CCDC81: variants seen among roughly 807,000 people sequenced by gnomAD.
The protein encoded by CCDC81 is coiled-coil domain containing 81.
A neutral mutation model predicts 83.7 loss-of-function variants in CCDC81; 79 were observed. The ratio of observed to expected loss-of-function variants is 0.94; its 90% confidence interval spans 0.79 to 1.14. The LOEUF (loss-of-function observed/expected upper bound fraction) is 1.14, where lower values mean the gene tolerates loss of function less well. Ranked by LOEUF, CCDC81 falls within the 50% of genes most tolerant of loss-of-function variation. The probability of loss-of-function intolerance (pLI) is 0.00; values close to 1 mark genes in which losing one functional copy is unlikely to be tolerated. For synonymous variants in CCDC81, 252 were observed against 278.1 expected (o/e 0.91, Z 0.93); for missense variants, 791 against 778.1 (o/e 1.02, Z -0.20).
chr11:86,397,150 T>G (rs1262972125), intron 5 of CCDC81, among the ~76,000 whole-genome samples: 1 of 151,698 alleles, frequency 6.6e-6, no homozygotes, highest in Non-Finnish European at 1.5e-5. Flanking sequence ...GCTTTGCAAG[T>G]CCTTCACTTT....
intron 3 of CCDC81, among the ~76,000 whole-genome samples, chr11:86,390,192 G>A (rs7105671): frequency 0.68 from 104,024 of 152,140 alleles, 35,831 homozygotes; most frequent in East Asian, 0.79. Context: ...TATGACGCCC[G>A]GAGGACAGCA....
intron 10 of CCDC81, among the ~76,000 whole-genome samples, chr11:86,410,490 A>T (rs1041859483): frequency 1.6e-4 from 24 of 152,236 alleles, no homozygotes; most frequent in African/African-American, 5.8e-4. Flanking sequence ...AGATCTGGAA[A>T]GACTTTCTGA....
At chr11:86,408,025 AG>A (rs1209559825) in intron 8 of CCDC81, 101 bp from the exon 9 acceptor site, 1 of 1,117,966 alleles carries the variant, frequency 8.9e-7, no homozygotes, top group East Asian at 2.6e-5. Flanking sequence ...CATTAATAAT[AG>A]GTTTCTTGAT....
intron 5 of CCDC81, among the ~76,000 whole-genome samples, chr11:86,396,683 C>T (rs1050669735): frequency 6.6e-6 from 1 of 152,152 alleles, no homozygotes; most frequent in African/African-American, 2.4e-5. Flanking sequence ...TCATCTTGCA[C>T]ACGAAATGGC....
intron 8 of CCDC81, 106 bp downstream of exon 8, chr11:86,407,807 C>T (rs2011218385): frequency 1.3e-6 from 1 of 771,200 alleles, no homozygotes; most frequent in Admixed American, 2.4e-5. Context: ...GAGTATGGCT[C>T]AAGTACTCAA....
At chr11:86,415,347 C>G in intron 13 of CCDC81, 34 bp downstream of exon 13, 1 of 1,538,060 alleles carries the variant, frequency 6.5e-7, no homozygotes. Flanking sequence ...CCCTCCACTT[C>G]TCCTCACTTA....
Position 86,415,100 on chromosome 11 carries a change from A to G in CCDC81, c.1478A>G (p.Asn493Ser). The G allele has an allele frequency of 6.2e-7, 1 of 1,614,164 alleles. No individual in the cohort carries two copies. The highest frequency in any genetic ancestry group is 8.5e-7 in the Non-Finnish European group (1 of 1,180,002). Residue 493 changes from asparagine (N) to serine (S), a missense_variant, in exon 13 of 15, where the codon AAC (asparagine) becomes AGC (serine). Coordinates refer to ENST00000445632, the MANE Select transcript of CCDC81 (RefSeq NM_001156474.2). ...TGTGTATCTCTGTTTAAGATAAAGA[A>G]CAAACCCTCTCGGCTGCCCCCCTTT... ...YKRALDAQIKNKPSRLPPFEP... is the reference protein window; with the variant it reads ...YKRALDAQIKSKPSRLPPFEP...
chr11:86,388,616 A>T (rs1273020853), intron 3 of CCDC81, among the ~76,000 whole-genome samples: 1 of 152,228 alleles, frequency 6.6e-6, no homozygotes, highest in Non-Finnish European at 1.5e-5. Flanking sequence ...TTAGAAAAAC[A>T]AATGTCAACA....
intron 8 of CCDC81, 106 bp downstream of exon 8, chr11:86,407,807 C>A: frequency 7.8e-6 from 6 of 771,198 alleles, no homozygotes; most frequent in Non-Finnish European, 1.3e-5. Flanking sequence ...GAGTATGGCT[C>A]AAGTACTCAA....
At chr11:86,387,358 A>C (rs1464537320) in intron 2 of CCDC81, among the ~76,000 whole-genome samples, 158 bp from the exon 3 acceptor site, 1 of 152,244 alleles carries the variant, frequency 6.6e-6, no homozygotes, top group African/African-American at 2.4e-5. Flanking sequence ...TTGAAAACTT[A>C]GAATTATAAA....
intron 6 of CCDC81, among the ~76,000 whole-genome samples, chr11:86,399,324 G>C (rs888505081): frequency 6.6e-6 from 1 of 152,032 alleles, no homozygotes; most frequent in African/African-American, 2.4e-5. Flanking sequence ...ATCTATTCAT[G>C]TTCTTCTTTT....
intron 2 of CCDC81, 68 bp downstream of exon 2, chr11:86,386,180 G>C: frequency 1.9e-6 from 1 of 519,272 alleles, no homozygotes. Flanking sequence ...GCATCTAAAG[G>C]ATCCTTCCTT....
chr11:86,414,982 G>A (rs1948696332), intron 12 of CCDC81, 111 bp from the exon 13 acceptor site: 1 of 1,417,654 alleles, frequency 7.1e-7, no homozygotes, highest in African/African-American at 1.4e-5. Context: ...TAGTTTTTGT[G>A]CCCCGCATTC....
intron 1 of CCDC81, among the ~76,000 whole-genome samples, chr11:86,378,169 A>C (rs1173946695): frequency 6.6e-6 from 1 of 151,786 alleles, no homozygotes; most frequent in Non-Finnish European, 1.5e-5. Context: ...CACTGTCTTG[A>C]TGACTCAGCT....
chr11:86,383,815 A>G (rs1948204948), intron 1 of CCDC81, among the ~76,000 whole-genome samples: 1 of 152,240 alleles, frequency 6.6e-6, no homozygotes. Flanking sequence ...AGGGGCCTAA[A>G]GCCTCCTAAG....
chr11:86,400,296 CTTAT>C (rs1948469720), intron 6 of CCDC81, among the ~76,000 whole-genome samples: 1 of 152,048 alleles, frequency 6.6e-6, no homozygotes, highest in Non-Finnish European at 1.5e-5. Flanking sequence ...TTGTTTGTAT[CTTAT>C]TTTTCTCTTC....
chr11:86,385,658 T>C (rs925403653), intron 1 of CCDC81, among the ~76,000 whole-genome samples: 2 of 152,214 alleles, frequency 1.3e-5, no homozygotes, highest in Admixed American at 6.5e-5. Context: ...GGTGTGAGAA[T>C]GAACGTTCTT....
intron 2 of CCDC81, among the ~76,000 whole-genome samples, chr11:86,387,081 G>A (rs1321600748): frequency 6.6e-6 from 1 of 152,208 alleles, no homozygotes; most frequent in Non-Finnish European, 1.5e-5. Context: ...CATATGATTT[G>A]GATGCTGGTT....
intron 3 of CCDC81, among the ~76,000 whole-genome samples, chr11:86,390,745 AG>A (rs1948316985): frequency 6.6e-6 from 1 of 152,120 alleles, no homozygotes; most frequent in Non-Finnish European, 1.5e-5. Context: ...TCTTGGTTGG[AG>A]AACAGATGGA....
Sources: gnomAD v4.1 joint callset for allele counts (sites outside exome capture counted in the v4.1 genomes callset) on GRCh38, gnomAD v4.1.1 for gene constraint, MANE v1.5 for transcripts, NCBI Gene and HGNC (gene_info 2026-07-23, HGNC 2026-07-21) for gene names.